ANK3: variants seen among roughly 807,000 people sequenced by gnomAD.
ANK3 encodes ankyrin 3.
ANK3 carries 57 observed loss-of-function variants against 370.9 expected under a neutral mutation model. The observed-to-expected ratio is 0.15, with a 90% CI of 0.12 to 0.19. The LOEUF is 0.19. Among genes scored for constraint, ANK3 ranks in the 10% least tolerant of loss-of-function variants. The pLI, the probability that ANK3 is intolerant of heterozygous loss-of-function variation, is 1.00. For missense variants in ANK3, 4,439 were observed against 5,302.1 expected (o/e 0.84, Z 5.06); for synonymous variants, 1,929 against 1,946.3 (o/e 0.99, Z 0.23).
intron 13 of ANK3, 58 bp from the exon 14 acceptor site, chr10:60,198,595 T>C (rs1411665868): frequency 2.6e-6 from 4 of 1,527,718 alleles, no homozygotes; most frequent in Admixed American, 1.7e-5. Flanking sequence ...GGTGCCTTTA[T>C]GAAAAATTCA....
At chr10:60,724,525 G>A (rs564391193) in intron 1 of ANK3, among the ~76,000 whole-genome samples, 3 of 152,186 alleles carry the variant, frequency 2.0e-5, no homozygotes, top group African/African-American at 7.2e-5. Context: ...CTAAATCCAT[G>A]AAGTATGATA....
At chr10:60,352,293 C>T (rs1269122662) in intron 1 of ANK3, among the ~76,000 whole-genome samples, 1 of 152,194 alleles carries the variant, frequency 6.6e-6, no homozygotes, top group Non-Finnish European at 1.5e-5. Flanking sequence ...CAGCAAGACT[C>T]CGTCTCAAAT....
At position 60,205,826 on chromosome 10, in the gene ANK3, A is replaced by C; in HGVS notation, c.1259T>G (p.Leu420Arg). The C allele has an allele frequency of 6.2e-7, 1 of 1,614,060 alleles. No homozygotes were observed. ...AGCTTGGATGGATGCACCGTGTTTC[A>C]GAAGGAGTTCCATTACTTTAATTCG... ...KNRIKVMELL[L>R]KHGASIQAVT... Residue 420 changes from leucine (L) to arginine (R), a missense_variant, in exon 11 of 44, where the codon CTG (leucine) becomes CGG (arginine). Coordinates refer to ENST00000280772, the MANE Select transcript of ANK3 (RefSeq NM_020987.5).
chr10:60,234,703 G>A lies in ANK3; in HGVS notation c.882C>T (p.Ile294=), dbSNP rs756124426. 1.1e-5 allele frequency: 18 copies of A among 1,612,386 alleles called. No homozygotes were observed. The highest frequency in any genetic ancestry group is 6.7e-5 in the Admixed American group (4 of 59,982). ...VKLLLDRGAK[I]DAKTRDGLTP... is the part of the protein sequence containing the mutation. ...GCACACTTACCCTGGTTTTGGCATC[G>A]ATTTTAGCTCCTCGATCGAGCAATA... The change falls in exon 8 of 44, where the codon ATC becomes ATT. Residue 294 remains isoleucine, a synonymous_variant. Transcript: ENST00000280772.
At chr10:60,469,006 T>TATATATAC (rs1320208814) in intron 2 of ANK3, among the ~76,000 whole-genome samples, 5 of 108,016 alleles carry the variant, frequency 4.6e-5, no homozygotes, top group African/African-American at 1.3e-4. Context: ...TGTATATATA[T>TATATATAC]ATATATATAT....
intron 1 of ANK3, among the ~76,000 whole-genome samples, chr10:60,724,229 A>AG (rs1181652899): frequency 4.7e-5 from 7 of 150,186 alleles, no homozygotes; most frequent in Non-Finnish European, 8.9e-5. Context: ...AAAAAAAAAA[A>AG]AAAGAAATGG....
chr10:60,668,933 C>T (rs373308352), intron 1 of ANK3, among the ~76,000 whole-genome samples: 2 of 151,900 alleles, frequency 1.3e-5, no homozygotes, highest in South Asian at 2.1e-4. Context: ...GCAGAGGTTG[C>T]GGTGAGCCAA....
At chr10:60,508,430 C>G (rs2075994713) in intron 2 of ANK3, 1 of 152,660 alleles carries the variant, frequency 6.6e-6, no homozygotes, top group Non-Finnish European at 1.5e-5. Context: ...GAGGGGGCAA[C>G]TTGATATCAC....
chr10:60,175,567 C>T (rs773062222), intron 18 of ANK3, among the ~76,000 whole-genome samples: 11 of 152,212 alleles, frequency 7.2e-5, no homozygotes, highest in African/African-American at 1.7e-4. Flanking sequence ...TTCCTTCCTT[C>T]CTTTGGGCAA....
intron 1 of ANK3, among the ~76,000 whole-genome samples, chr10:60,294,701 T>G (rs1423166580): frequency 6.6e-6 from 1 of 152,202 alleles, no homozygotes; most frequent in African/African-American, 2.4e-5. Flanking sequence ...AAAACAAGGT[T>G]AGCTCACTAG....
intron 2 of ANK3, among the ~76,000 whole-genome samples, chr10:60,459,583 T>C (rs1031241622): frequency 6.6e-6 from 1 of 152,154 alleles, no homozygotes; most frequent in African/African-American, 2.4e-5. Context: ...TCATTCTAGG[T>C]CTTTTCTCTT....
rs772493267 is a variant in ANK3, at chr10:60,072,787, G to T, written c.8094C>A (p.Ser2698Arg). 3.1e-6 allele frequency: 5 copies of T among 1,614,130 alleles called. No individual in the cohort carries two copies. In the South Asian group the frequency reaches 5.5e-5, roughly 18 times the overall value. The change falls in exon 37 of 44, where the codon AGC becomes AGA. Residue 2698 changes from serine to arginine, a missense_variant. Transcript: ENST00000280772. The part of the protein sequence containing the change: ...TVEAKGSISQ[S>R]KAPDGPQSGF... ...CAGACTGGGGCCCATCTGGTGCTTT[G>T]CTCTGTGAAATACTTCCTTTGGCTT...
intron 2 of ANK3, among the ~76,000 whole-genome samples, chr10:60,605,878 A>C (rs1377946278): frequency 6.6e-6 from 1 of 152,244 alleles, no homozygotes; most frequent in Non-Finnish European, 1.5e-5. Context: ...GAAAGCATTT[A>C]CAAACTTCTG....
In ANK3 at chr10:60,654,369, T is replaced by C. The variant is rs139224179; in HGVS notation, c.58-39145A>G. On this transcript the variant is annotated intron_variant, in intron 1 of 43. Coordinates refer to the ANK3 transcript ENST00000373827. ...TGAAAAGAAGTGAACATTCTTGCCT[T>C]CTGCCCAGTGTTAAGGGGAAAGAAT... 4.1e-3 allele frequency among the ~76,000 whole-genome samples: 628 copies of C among 152,326 alleles called. 5 individuals carry two copies. The highest frequency in any genetic ancestry group is 0.014 in the African/African-American group (579 of 41,590).
At chr10:60,285,921 T>C (rs922898667) in intron 1 of ANK3, among the ~76,000 whole-genome samples, 1 of 152,158 alleles carries the variant, frequency 6.6e-6, no homozygotes, top group Non-Finnish European at 1.5e-5. Context: ...CTGATTACCT[T>C]TTTTTCTTCA....
At position 60,071,045 on chromosome 10, in the gene ANK3, A is replaced by C. The variant is rs745987844; in HGVS notation, c.9836T>G (p.Val3279Gly). 3 of 1,613,956 alleles carry C rather than the reference A, an allele frequency of 1.9e-6. No homozygotes were observed. Among genetic ancestry groups the C allele is most frequent in the Non-Finnish European group, 1.7e-6 (2 of 1,179,976 alleles). The change falls in exon 37 of 44, where the codon GTT (valine) becomes GGT (glycine). Residue 3279 changes from valine (V) to glycine (G), a missense_variant. Physicochemically the swap from Val to Gly is moderately radical, Grantham distance 109. Around this residue, in one of 13 missense-constraint regions of ANK3, gnomAD observed 1,601 missense variants for 1,731.7 expected, o/e 0.92. Transcript: ENST00000280772. ...KKHHYLPEKE[V>G]DMIEVNLQDE... The stretch of plus-strand genomic sequence containing the variant: ...TTGCAGATTGACTTCAATCATGTCA[A>C]CCTCTTTTTCTGGGAGATAATGATG...
At chr10:60,527,087 G>A (rs2076491510) in intron 2 of ANK3, among the ~76,000 whole-genome samples, 1 of 152,070 alleles carries the variant, frequency 6.6e-6, no homozygotes, top group South Asian at 2.1e-4. Context: ...TAGCGTGCTA[G>A]ATGGGCAGTT....
intron 38 of ANK3, 99 bp downstream of exon 38, chr10:60,067,836 G>A: frequency 1.1e-6 from 1 of 927,770 alleles, no homozygotes; most frequent in Non-Finnish European, 1.6e-6. Context: ...TTTACTAGCT[G>A]CTTGTTTCTA....
intron 2 of ANK3, among the ~76,000 whole-genome samples, chr10:60,421,807 G>C (rs1428721842): frequency 2.0e-5 from 3 of 152,050 alleles, no homozygotes; most frequent in Non-Finnish European, 4.4e-5. Context: ...TCCTCCTTCA[G>C]AATTGGTCAT....
Sources: allele counts gnomAD v4.1 joint callset (sites outside exome capture counted in the v4.1 genomes callset), GRCh38; gene constraint gnomAD v4.1.1; regional missense constraint gnomAD v4.1.1; transcripts MANE v1.5; gene names NCBI Gene and HGNC (gene_info 2026-07-23, HGNC 2026-07-21).